Variants in STK31 observed in about 807,000 individuals in gnomAD.
STK31 encodes serine/threonine kinase 31, also known as serine/threonine-protein kinase 31.
STK31 carries 89 observed loss-of-function variants against 129.7 expected under a neutral mutation model. The observed-to-expected ratio is 0.69, with a 90% CI of 0.58 to 0.82. The LOEUF is 0.82. Among genes scored for constraint, STK31 ranks in the 40% least tolerant of loss-of-function variants. The pLI is 0.00. For missense variants in STK31, 1,187 were observed against 1,176.4 expected (o/e 1.01, Z -0.13); for synonymous variants, 448 against 395.3 (o/e 1.13, Z -1.58).
chr7:23,779,164 T>A (rs2216500), intron 15 of STK31, among the ~76,000 whole-genome samples: 2 of 152,190 alleles, frequency 1.3e-5, no homozygotes, highest in African/African-American at 4.8e-5. Context: ...GTATCACCAG[T>A]GGAGACTGCA....
chr7:23,743,826 G>T (rs1788193134), intron 8 of STK31, among the ~76,000 whole-genome samples: 1 of 149,938 alleles, frequency 6.7e-6, no homozygotes, highest in African/African-American at 2.5e-5. Context: ...ATTCTTTTTT[G>T]TTCTTTTTTT....
chr7:23,737,051 A>T lies in STK31; in HGVS notation c.990A>T (p.Lys330Asn). 1 of 1,609,542 alleles carries T rather than the reference A, an allele frequency of 6.2e-7. No individual in the cohort carries two copies. The highest frequency in any genetic ancestry group is 8.5e-7 in the Non-Finnish European group (1 of 1,179,264). Residue 330 changes from lysine (K) to asparagine (N), a missense_variant, in exon 8 of 24, where the codon AAA (lysine) becomes AAT (asparagine). Around this residue, in one of 5 missense-constraint regions of STK31, gnomAD observed 975 missense variants for 934.9 expected, o/e 1.04. Coordinates refer to ENST00000355870, the MANE Select transcript of STK31 (RefSeq NM_031414.5). ...AAAGTTATAAGGCGTTAGAATTGAAAGTAGAGCAGATTGCCCAGGAGCTGC... is the reference window on the plus strand; with the variant it reads ...AAAGTTATAAGGCGTTAGAATTGAATGTAGAGCAGATTGCCCAGGAGCTGC... ...LLESYKALEL[K>N]VEQIAQELQQ...
chr7:23,760,978 T>G (rs143252396), intron 10 of STK31, among the ~76,000 whole-genome samples: 280 of 152,340 alleles, frequency 1.8e-3, no homozygotes, highest in Non-Finnish European at 3.0e-3. Flanking sequence ...TAGTTCTAAA[T>G]GTTAATATGG....
At chr7:23,710,193 G>A (rs1785836107), upstream of STK31, 1 of 1,598,054 alleles carries the variant, frequency 6.3e-7, no homozygotes, top group African/African-American at 1.3e-5. Context: ...GCAGCGCTGT[G>A]CACGCAGGCG....
chr7:23,726,221 C>T (rs979590114), intron 4 of STK31: 2 of 151,992 alleles, frequency 1.3e-5, no homozygotes, highest in African/African-American at 2.4e-5. Flanking sequence ...TTTTGCTTGT[C>T]ACAACTGGAA....
At chr7:23,799,488 A>G (rs1484608952) in intron 22 of STK31, among the ~76,000 whole-genome samples, 1 of 152,222 alleles carries the variant, frequency 6.6e-6, no homozygotes. Context: ...GAAGCAAGCA[A>G]TGGGGAAAGG....
chr7:23,781,390 T>TA (rs1234416954), intron 15 of STK31, 29 bp from the exon 16 acceptor site: 2 of 1,541,272 alleles, frequency 1.3e-6, no homozygotes, highest in Non-Finnish European at 1.8e-6. Context: ...TCTATGTTAA[T>TA]AAAAAACACT....
intron 4 of STK31, among the ~76,000 whole-genome samples, chr7:23,723,969 G>T (rs899926006): frequency 6.6e-6 from 1 of 152,140 alleles, no homozygotes; most frequent in Non-Finnish European, 1.5e-5. Context: ...GGAGGAAGGG[G>T]CTTGATTAAC....
chr7:23,793,167 A>G (rs547082855), intron 22 of STK31, among the ~76,000 whole-genome samples: 10 of 152,368 alleles, frequency 6.6e-5, no homozygotes, highest in African/African-American at 2.4e-4. Flanking sequence ...AGAATCTTCA[A>G]CAAAAATGAT....
chr7:23,769,990 T>TA (rs1473355570), intron 13 of STK31, among the ~76,000 whole-genome samples: 2 of 152,200 alleles, frequency 1.3e-5, no homozygotes, highest in Non-Finnish European at 2.9e-5. Context: ...ACATTTCACA[T>TA]AAAAAATCTG....
intron 6 of STK31, among the ~76,000 whole-genome samples, chr7:23,734,569 A>G (rs947160186): frequency 2.0e-5 from 3 of 152,166 alleles, no homozygotes; most frequent in African/African-American, 7.2e-5. Flanking sequence ...GCTTAGTTCT[A>G]TTGATAGATA....
chr7:23,745,728 C>T (rs931245096), intron 8 of STK31, among the ~76,000 whole-genome samples: 3 of 152,116 alleles, frequency 2.0e-5, no homozygotes, highest in African/African-American at 7.2e-5. Flanking sequence ...GGTTGGGGTT[C>T]CTGCCAGTGG....
intron 8 of STK31, 79 bp downstream of exon 8, chr7:23,737,157 ACTTTC>A (rs1237044739): frequency 1.5e-6 from 2 of 1,290,924 alleles, no homozygotes; most frequent in Admixed American, 3.1e-5. Context: ...TTTTTCTGTC[ACTTTC>A]CTTTCCTTCC....
intron 22 of STK31, among the ~76,000 whole-genome samples, chr7:23,799,924 G>A (rs1792255397): frequency 6.6e-6 from 1 of 152,142 alleles, no homozygotes; most frequent in Admixed American, 6.5e-5. Flanking sequence ...AGTGGGCAAA[G>A]GATATAAACC....
chr7:23,826,344 A>G (rs956254993), intron 23 of STK31, among the ~76,000 whole-genome samples: 1 of 152,008 alleles, frequency 6.6e-6, no homozygotes, highest in Non-Finnish European at 1.5e-5. Context: ...TCCCTTTAAC[A>G]TTATGTAATG....
chr7:23,712,292 T>C lies in STK31; in HGVS notation c.150+6T>C, dbSNP rs1328730176. ...CAGTAACATTTTGGGCCCAGGTAAA[T>C]AGCAAACTGGTTGATATCCCCCCTC... On this transcript the variant is annotated splice_donor_region_variant and intron_variant, in intron 3 of 23. Transcript: ENST00000355870. 2 of 1,613,840 alleles carry C rather than the reference T, an allele frequency of 1.2e-6. No individual in the cohort carries two copies. Among genetic ancestry groups the C allele is most frequent in the Non-Finnish European group, 1.7e-6 (2 of 1,179,930 alleles).
chr7:23,796,315 T>A (rs1057262150), intron 22 of STK31, among the ~76,000 whole-genome samples: 25 of 152,064 alleles, frequency 1.6e-4, no homozygotes, highest in African/African-American at 6.0e-4. Flanking sequence ...GCTTCAGTAA[T>A]CTATTCTTTA....
intron 8 of STK31, among the ~76,000 whole-genome samples, chr7:23,748,982 A>C (rs191114805): frequency 6.6e-6 from 1 of 152,196 alleles, no homozygotes; most frequent in South Asian, 2.1e-4. Flanking sequence ...AATTATATCC[A>C]ATTTATTGGT....
chr7:23,773,534 T>A (rs1790333953), intron 15 of STK31, among the ~76,000 whole-genome samples: 1 of 152,320 alleles, frequency 6.6e-6, no homozygotes, highest in East Asian at 1.9e-4. Context: ...GTAGAATGAT[T>A]TATAATCCTT....
Sources: gnomAD v4.1 joint callset for allele counts (sites outside exome capture counted in the v4.1 genomes callset) on GRCh38, gnomAD v4.1.1 for gene constraint, gnomAD v4.1.1 regional missense constraint, MANE v1.5 for transcripts, NCBI Gene and HGNC (gene_info 2026-07-23, HGNC 2026-07-21) for gene names.